The following ANKS1B variants were observed in gnomAD, a reference collection of about 807,000 sequenced individuals.
ANKS1B encodes ankyrin repeat and sterile alpha motif domain containing 1B.
Under a neutral mutation model 148.3 loss-of-function variants are expected in ANKS1B, and 36 were observed. The observed-to-expected ratio is 0.24, with a 90% CI of 0.19 to 0.32. The LOEUF (loss-of-function observed/expected upper bound fraction) is 0.32. Among genes scored for constraint, ANKS1B ranks in the 10% least tolerant of loss-of-function variants. The pLI is 1.00. For missense variants in ANKS1B, 1,157 were observed against 1,542.6 expected, an observed-to-expected ratio of 0.75 and a Z score of 4.19; for synonymous variants, 542 against 560.8, an observed-to-expected ratio of 0.97 and a Z score of 0.47.
rs1457490621 is a variant in ANKS1B, at chr12:99,399,757, T to G, written c.1630A>C (p.Asn544His). 2.8e-5 allele frequency: 45 copies of G among 1,613,410 alleles called. No homozygotes were observed. Among genetic ancestry groups the G allele is most frequent in the Non-Finnish European group, 3.7e-5 (44 of 1,179,536 alleles). The change falls in exon 12 of 27, where the codon AAC becomes CAC. Residue 544 changes from asparagine to histidine, a missense_variant. Transcript: ENST00000683438. The stretch of plus-strand genomic sequence containing the variant: ...GTGTTGATTTCAAAATATTCTTGGT[T>G]GTGATTCATTCGGTGAAAATCCAGA... ...SSLDFHRMNH[N>H]QEYFEINTST... is the part of the protein sequence containing the mutation.
intron 14 of ANKS1B, among the ~76,000 whole-genome samples, chr12:99,221,620 A>C (rs1488775563): frequency 2.6e-5 from 4 of 152,226 alleles, no homozygotes; most frequent in Admixed American, 2.6e-4. Context: ...TAATACAAGA[A>C]ACAGCACAAA....
Position 99,426,827 on chromosome 12 carries a change from T to C in ANKS1B, c.1575+16846A>G, listed in dbSNP as rs549286495. On this transcript the variant is annotated intron_variant, in intron 11 of 26. Coordinates refer to ENST00000683438, the MANE Select transcript of ANKS1B (RefSeq NM_001352186.2). The stretch of plus-strand genomic sequence containing the variant: ...AAAACTTATACAAACCAAACAGACA[T>C]TTGATCCTTGCTCCCCAGTTCCAGC... Among the ~76,000 whole-genome samples, 5 of 152,252 alleles carry C rather than the reference T, an allele frequency of 3.3e-5. No homozygotes were observed. In the South Asian group the frequency reaches 1.0e-3, roughly 32 times the overall value.
intron 9 of ANKS1B, among the ~76,000 whole-genome samples, chr12:99,571,313 A>C (rs572070161): frequency 6.6e-6 from 1 of 152,222 alleles, no homozygotes; most frequent in East Asian, 1.9e-4. Flanking sequence ...ACTTTGGTCA[A>C]ACAACTCTGT....
chr12:98,853,669 T>C (rs986398254), intron 17 of ANKS1B, among the ~76,000 whole-genome samples: 4 of 152,220 alleles, frequency 2.6e-5, no homozygotes, highest in African/African-American at 7.2e-5. Context: ...TGCTACTCTC[T>C]ATCACTGCAC....
intron 15 of ANKS1B, chr12:99,096,962 A>G (rs1231869803): frequency 6.6e-6 from 1 of 152,180 alleles, no homozygotes; most frequent in African/African-American, 2.4e-5. Flanking sequence ...CAGCTATAGA[A>G]TTTCATGTTT....
At chr12:99,576,823 T>C (rs59435035) in intron 9 of ANKS1B, among the ~76,000 whole-genome samples, 1,675 of 152,086 alleles carry the variant, frequency 0.011, 33 homozygotes, top group African/African-American at 0.039. Flanking sequence ...GTATATTGGG[T>C]GATGCTGAGG....
intron 12 of ANKS1B, among the ~76,000 whole-genome samples, chr12:99,380,266 C>T (rs545412798): frequency 2.0e-5 from 3 of 152,330 alleles, no homozygotes; most frequent in South Asian, 2.1e-4. Flanking sequence ...ATTTGTAGAG[C>T]TGCTCAAATG....
intron 2 of ANKS1B, among the ~76,000 whole-genome samples, chr12:99,824,162 G>A (rs1004711756): frequency 3.3e-5 from 5 of 152,088 alleles, no homozygotes; most frequent in South Asian, 2.1e-4. Flanking sequence ...GGAATAGTAC[G>A]GAATCTGTAG....
intron 9 of ANKS1B, among the ~76,000 whole-genome samples, chr12:99,596,365 T>G (rs2097758631): frequency 1.3e-5 from 2 of 151,858 alleles, no homozygotes; most frequent in South Asian, 2.1e-4. Context: ...CATATAAACC[T>G]TTTTCCTGTG....
chr12:99,439,741 T>C (rs1043554239), intron 11 of ANKS1B, among the ~76,000 whole-genome samples: 1 of 151,682 alleles, frequency 6.6e-6, no homozygotes, highest in Non-Finnish European at 1.5e-5. Flanking sequence ...TTGGGAAGCT[T>C]TTTATAAAGT....
At chr12:99,342,888 C>T (rs1249452420) in intron 12 of ANKS1B, among the ~76,000 whole-genome samples, 1 of 151,790 alleles carries the variant, frequency 6.6e-6, no homozygotes, top group Non-Finnish European at 1.5e-5. Context: ...AAAGAAAAAT[C>T]TTTAGAAATT....
At chr12:99,477,708 T>C (rs2096347918) in intron 10 of ANKS1B, among the ~76,000 whole-genome samples, 1 of 152,200 alleles carries the variant, frequency 6.6e-6, no homozygotes, top group Admixed American at 6.5e-5. Flanking sequence ...AAAATATATG[T>C]ATCCTTTCAC....
intron 14 of ANKS1B, among the ~76,000 whole-genome samples, chr12:99,239,193 C>T (rs2088698477): frequency 6.6e-6 from 1 of 152,088 alleles, no homozygotes; most frequent in Non-Finnish European, 1.5e-5. Context: ...AAATGGCTAA[C>T]TAGAATAAAC....
intron 8 of ANKS1B, among the ~76,000 whole-genome samples, chr12:99,726,226 A>G (rs2058604858): frequency 1.3e-5 from 2 of 152,220 alleles, no homozygotes; most frequent in Admixed American, 1.3e-4. Flanking sequence ...AATTAACAAA[A>G]TAGGTAGACT....
chr12:99,609,863 T>C (rs2097885445), intron 9 of ANKS1B, among the ~76,000 whole-genome samples: 1 of 152,058 alleles, frequency 6.6e-6, no homozygotes, highest in Admixed American at 6.6e-5. Context: ...CAAATACAGA[T>C]AAAATTTTAC....
chr12:99,156,087 T>G (rs983432812), intron 14 of ANKS1B, among the ~76,000 whole-genome samples: 4 of 152,158 alleles, frequency 2.6e-5, no homozygotes, highest in African/African-American at 9.7e-5. Context: ...TCCTCAAACC[T>G]CATCTTTCTC....
At chr12:98,875,231 C>G (rs1358587793) in intron 17 of ANKS1B, among the ~76,000 whole-genome samples, 1 of 152,164 alleles carries the variant, frequency 6.6e-6, no homozygotes, top group African/African-American at 2.4e-5. Flanking sequence ...CTCATTCTTT[C>G]TTACCAGCAT....
At chr12:99,487,706 T>C (rs904988446) in intron 10 of ANKS1B, among the ~76,000 whole-genome samples, 1 of 152,182 alleles carries the variant, frequency 6.6e-6, no homozygotes, top group Non-Finnish European at 1.5e-5. Flanking sequence ...TTGTGACTTA[T>C]TTCTCTGATG....
intron 15 of ANKS1B, among the ~76,000 whole-genome samples, chr12:99,111,346 A>G (rs2060247100): frequency 6.6e-6 from 1 of 152,174 alleles, no homozygotes. Flanking sequence ...CTTATATAAT[A>G]TTAAAAGGTA....
Sources: allele counts gnomAD v4.1 joint callset (sites outside exome capture counted in the v4.1 genomes callset), GRCh38; gene constraint gnomAD v4.1.1; transcripts MANE v1.5; gene names NCBI Gene and HGNC (gene_info 2026-07-23, HGNC 2026-07-21).